MAP2K4: variants seen among roughly 807,000 people sequenced by gnomAD.
MAP2K4 encodes the protein dual specificity mitogen-activated protein kinase kinase 4.
MAP2K4 carries 4 observed loss-of-function variants against 48.5 expected under a neutral mutation model. The ratio of observed to expected loss-of-function variants is 0.08; its 90% CI spans 0.04 to 0.19. The LOEUF (loss-of-function observed/expected upper bound fraction) is 0.19. MAP2K4 is among the 10% of genes least tolerant of loss of function. The probability of loss-of-function intolerance (pLI) is 1.00; values close to 1 mark genes in which losing one functional copy is unlikely to be tolerated. For synonymous variants in MAP2K4, 166 were observed against 173.1 expected (o/e 0.96, Z 0.32); for missense variants, 258 against 493.3 (o/e 0.52, Z 4.52).
chr17:12,064,079 A>G (rs2151533421), intron 2 of MAP2K4, among the ~76,000 whole-genome samples: 1 of 152,030 alleles, frequency 6.6e-6, no homozygotes, highest in South Asian at 2.1e-4. Context: ...ATGTATATAT[A>G]TATATCTGAC....
intron 4 of MAP2K4, among the ~76,000 whole-genome samples, chr17:12,101,550 C>A (rs1027785061): frequency 4.6e-5 from 7 of 151,924 alleles, no homozygotes; most frequent in Non-Finnish European, 7.4e-5. Context: ...CCGAAAAAAA[C>A]CAACAACAAA....
intron 4 of MAP2K4, among the ~76,000 whole-genome samples, chr17:12,103,904 T>C (rs893509694): frequency 3.9e-5 from 6 of 152,202 alleles, no homozygotes; most frequent in Non-Finnish European, 7.4e-5. Context: ...CTTTTTATTT[T>C]ATTTTTTTAG....
chr17:12,069,882 A>C (rs774912757), intron 2 of MAP2K4: 2 of 292,470 alleles, frequency 6.8e-6, no homozygotes, highest in South Asian at 2.7e-5. Context: ...TGTCTAAGGA[A>C]GATTAGTCAT....
At chr17:12,089,692 C>T (rs986545994) in intron 3 of MAP2K4, among the ~76,000 whole-genome samples, 15 of 152,148 alleles carry the variant, frequency 9.9e-5, no homozygotes, top group African/African-American at 2.7e-4. Flanking sequence ...ACTGCCCTCT[C>T]GGACACTCAG....
chr17:12,138,195 C>G (rs536372910), intron 9 of MAP2K4, among the ~76,000 whole-genome samples: 2 of 151,858 alleles, frequency 1.3e-5, no homozygotes, highest in East Asian at 2.0e-4. Context: ...TGAGCACTTA[C>G]AATTTATAGA....
intron 1 of MAP2K4, among the ~76,000 whole-genome samples, chr17:12,041,844 G>A (rs764178393): frequency 1.7e-4 from 26 of 151,998 alleles, no homozygotes; most frequent in Non-Finnish European, 3.4e-4. Context: ...CTGAGTTGTC[G>A]GACTCATTAG....
chr17:12,087,447 G>A (rs1385570380), intron 3 of MAP2K4, among the ~76,000 whole-genome samples: 1 of 152,130 alleles, frequency 6.6e-6, no homozygotes. Context: ...ACCAAGGCAT[G>A]TCAAACTTGT....
At chr17:12,077,247 A>G (rs1391867089) in intron 2 of MAP2K4, among the ~76,000 whole-genome samples, 1 of 152,194 alleles carries the variant, frequency 6.6e-6, no homozygotes, top group South Asian at 2.1e-4. Context: ...AGTTAGCATC[A>G]TTGGCCCCCA....
chr17:12,117,322 C>T (rs893486688), intron 7 of MAP2K4, among the ~76,000 whole-genome samples: 3 of 152,060 alleles, frequency 2.0e-5, no homozygotes, highest in Non-Finnish European at 4.4e-5. Flanking sequence ...CTAGTGTGAC[C>T]CAAGTGGAAA....
intron 9 of MAP2K4, among the ~76,000 whole-genome samples, chr17:12,135,230 G>A (rs1567676850): frequency 6.6e-6 from 1 of 151,844 alleles, no homozygotes. Flanking sequence ...CTGGATTACA[G>A]GCATGCACCA....
intron 4 of MAP2K4, among the ~76,000 whole-genome samples, chr17:12,104,876 C>T (rs936112939): frequency 1.3e-5 from 2 of 152,026 alleles, no homozygotes; most frequent in African/African-American, 2.4e-5. Context: ...TTGCTTTTTG[C>T]AAAATCCATT....
intron 3 of MAP2K4, among the ~76,000 whole-genome samples, chr17:12,086,826 TTTTTGTTTTGTTTTGTTTTG>T (rs61021597): frequency 1.3e-5 from 2 of 150,142 alleles, no homozygotes; most frequent in South Asian, 2.1e-4. Flanking sequence ...AAAAACCTGT[TTTTTGTTTTGTTTTGTTTTG>T]TTTTGTTTTG....
At chr17:12,042,389 A>G (rs1429078027) in intron 1 of MAP2K4, among the ~76,000 whole-genome samples, 1 of 152,166 alleles carries the variant, frequency 6.6e-6, no homozygotes, top group Non-Finnish European at 1.5e-5. Context: ...TCAGTTGGAC[A>G]AGGTAGTCAG....
At position 12,020,997 on chromosome 17, in the gene MAP2K4, G is replaced by A; in HGVS notation, c.111G>A (p.Met37Ile). Residue 37 changes from methionine to isoleucine, a missense_variant, in exon 1 of 11, where the codon ATG (methionine) becomes ATA (isoleucine). By Grantham distance (10) the Met-to-Ile change is conservative. Transcript: ENST00000353533. ...CAGGCCACCCGGCCGTCAGCAGCAT[G>A]CAGGGTAAGGAACGCGGCCGCGCCG... ...PAPGHPAVSS[M>I]QGKRKALKLN... 1 of 1,210,048 alleles carries A rather than the reference G, an allele frequency of 8.3e-7. No homozygotes were observed. Among genetic ancestry groups the A allele is most frequent in the Non-Finnish European group, 1.0e-6 (1 of 973,516 alleles). The allele number at this position is 1,210,048 out of a possible 1,614,324, so 75.0% of individuals were successfully genotyped here. A position where few individuals can be genotyped will look rare whatever the true frequency, so the allele number is the denominator to read the frequency against.
chr17:12,104,632 T>C lies in MAP2K4; in HGVS notation c.514-3158T>C, dbSNP rs545664467. 1.3e-4 allele frequency among the ~76,000 whole-genome samples: 20 copies of C among 152,268 alleles called. No individual in the cohort carries two copies. The South Asian group carries it at 3.7e-3, about 28-fold the overall frequency. On this transcript the variant is annotated intron_variant, in intron 4 of 10. Coordinates refer to ENST00000353533, the MANE Select transcript of MAP2K4 (RefSeq NM_003010.4). ...TTCCCTAATTAGTTTAGCATAACTC[T>C]TTATTATTCAGGATACTGATCTTTT...
At chr17:12,131,234 C>CTTTTTTTTTTTTTTTTTTTTTTTTT (rs11307653) in intron 9 of MAP2K4, among the ~76,000 whole-genome samples, 1 of 130,940 alleles carries the variant, frequency 7.6e-6, no homozygotes. Flanking sequence ...GGTCACATTT[C>CTTTTTTTTTTTTTTTTTTTTTTTTT]TTTTTTTTTT....
intron 1 of MAP2K4, among the ~76,000 whole-genome samples, chr17:12,042,787 C>T (rs932527780): frequency 6.6e-6 from 1 of 152,218 alleles, no homozygotes; most frequent in Non-Finnish European, 1.5e-5. Flanking sequence ...GTGGCTCACG[C>T]CTGTAATCCC....
chr17:12,038,425 C>T (rs967218182), intron 1 of MAP2K4, among the ~76,000 whole-genome samples: 8 of 151,948 alleles, frequency 5.3e-5, no homozygotes, highest in African/African-American at 1.5e-4. Context: ...CAAGTGCGTA[C>T]GAACATATTC....
intron 1 of MAP2K4, among the ~76,000 whole-genome samples, chr17:12,034,798 A>G (rs1969542506): frequency 6.6e-6 from 1 of 152,184 alleles, no homozygotes; most frequent in African/African-American, 2.4e-5. Context: ...TTCTCTCATG[A>G]GAGAGAATGA....
Sources: allele counts gnomAD v4.1 joint callset (sites outside exome capture counted in the v4.1 genomes callset), GRCh38; gene constraint gnomAD v4.1.1; transcripts MANE v1.5; gene names NCBI Gene and HGNC (gene_info 2026-07-23, HGNC 2026-07-21).